Variants in IRX4 observed in about 807,000 individuals in gnomAD.
The protein encoded by IRX4 is iroquois-class homeodomain protein IRX-4.
Under a neutral mutation model 32.0 loss-of-function variants are expected in IRX4, and 22 were observed. The ratio of observed to expected loss-of-function variants is 0.69; its 90% CI spans 0.49 to 0.98. The LOEUF (loss-of-function observed/expected upper bound fraction) is 0.98, where lower values mean the gene tolerates loss of function less well. Ranked by LOEUF, IRX4 falls within the 50% of genes least tolerant of loss-of-function variation. IRX4 has a pLI of 0.00. For missense variants in IRX4, 840 were observed against 744.2 expected (o/e 1.13, Z -1.50); for synonymous variants, 379 against 351.7 (o/e 1.08, Z -0.87).
At chr5:1,879,052 C>T (rs1450031737) in intron 4 of IRX4, among the ~76,000 whole-genome samples, 2 of 150,698 alleles carry the variant, frequency 1.3e-5, no homozygotes, top group African/African-American at 2.5e-5. Context: ...AGTGCAGTGG[C>T]GCGATCTCAG....
At chr5:1,883,605 G>A (rs995636310), upstream of IRX4, among the ~76,000 whole-genome samples, 4 of 152,336 alleles carry the variant, frequency 2.6e-5, no homozygotes, top group Admixed American at 2.6e-4. Flanking sequence ...GGCGGCCCGA[G>A]GGCTGTAGGG....
intron 2 of IRX4, 197 bp from the exon 3 acceptor site, chr5:1,881,031 G>T: frequency 2.1e-6 from 1 of 470,864 alleles, no homozygotes; most frequent in South Asian, 2.0e-5. Flanking sequence ...CTGAGTTGCA[G>T]AAGCAGTGTG....
chr5:1,878,847 C>T (rs1341732779), intron 4 of IRX4, 55 bp from the exon 5 acceptor site: 3 of 1,560,076 alleles, frequency 1.9e-6, no homozygotes, highest in Non-Finnish European at 2.6e-6. Context: ...GTGAATCAGA[C>T]CCCCTGTCCC....
At chr5:1,886,660 G>A (rs1171449356), upstream of IRX4, among the ~76,000 whole-genome samples, 1 of 152,072 alleles carries the variant, frequency 6.6e-6, no homozygotes, top group African/African-American at 2.4e-5. Flanking sequence ...GCTGGACGGA[G>A]CGCCGTCCGG....
In IRX4 at chr5:1,879,589, C is replaced by T. The variant is rs1735354380; in HGVS notation, c.651G>A (p.Glu217=). The change falls in exon 4 of 5, where the codon GAG becomes GAA. Residue 217 remains glutamate (E), a synonymous_variant. Transcript: ENST00000231357. ...CCTCGCCCTCCGCGTAGGGCCGCTT[C>T]TCGTCTGCGCACTTGTTCCGCGGCG... The part of the protein sequence containing the change: ...TWPPRNKCAD[E]KRPYAEGEEE... The T allele has an allele frequency of 1.9e-6, 3 of 1,613,852 alleles. No individual in the cohort carries two copies. The highest frequency in any genetic ancestry group is 2.5e-6 in the Non-Finnish European group (3 of 1,180,054).
At position 1,877,974 on chromosome 5, in the gene IRX4, C is replaced by T. The variant is rs773809133; in HGVS notation, c.1555G>A (p.Ala519Thr). 1.0e-5 allele frequency: 15 copies of T among 1,499,610 alleles called. No homozygotes were observed. The South Asian group carries it at 1.6e-4, about 16-fold the overall frequency. The allele number at this position is 1,499,610 out of a possible 1,614,324, so 92.9% of individuals were successfully genotyped here. Residue 519 changes from alanine (A) to threonine (T), a missense_variant, in exon 5 of 5, where the codon GCC (alanine) becomes ACC (threonine). Around this residue, in one of 3 missense-constraint regions of IRX4, gnomAD observed 585 missense variants for 488.0 expected, o/e 1.20. Coordinates refer to ENST00000231357, the MANE Select transcript of IRX4 (RefSeq NM_016358.3). ...GGGCTCGGGACCCGCCCGCCTCAGG[C>T]GCAGAAGGGTTTGCCGCCGGCCTTG... ...LPKAGGKPFC[A>T] is the part of the protein sequence containing the mutation.
rs547143003 is a variant in IRX4 at position 1,882,517 on chromosome 5, A to G, written c.45+86T>C. 4.7e-5 allele frequency: 55 copies of G among 1,170,170 alleles called. No homozygotes were observed. In the African/African-American group the frequency reaches 6.5e-4, roughly 14 times the overall value. 72.5% of individuals were successfully genotyped at this position (1,170,170 alleles called of 1,614,324 possible). A position where few individuals can be genotyped will look rare whatever the true frequency, so the allele number is the denominator to read the frequency against. On this transcript the variant is annotated intron_variant, in intron 1 of 4. Transcript: ENST00000231357. The stretch of plus-strand genomic sequence containing the variant: ...TAGCTCGGAAGCCGCAGGCAGTCGT[A>G]GGTCGGACACTCCCCACCCCCCGTC...
In IRX4 at chr5:1,880,717, G is replaced by T. The variant is rs888102650; in HGVS notation, c.407+8C>A. On this transcript the variant is annotated splice_region_variant and intron_variant, in intron 3 of 4. Coordinates refer to ENST00000231357, the MANE Select transcript of IRX4 (RefSeq NM_016358.3). ...GGCTAGTGCTGGTTAGGAGGGGTGG[G>T]TCCTCACCTGTCATAGGGGTACTGG... The T allele has an allele frequency of 8.2e-6, 13 of 1,593,328 alleles. No homozygotes were observed. The highest frequency in any genetic ancestry group is 1.7e-5 in the Admixed American group (1 of 59,980).
In IRX4 at chr5:1,878,503, G is replaced by T. The variant is rs747561469; in HGVS notation, c.1026C>A (p.Gly342=). The T allele has an allele frequency of 8.4e-6, 12 of 1,433,528 alleles. No homozygotes were observed. The East Asian group carries it at 1.3e-4, about 16-fold the overall frequency. The allele number at this position is 1,433,528 out of a possible 1,614,324, so 88.8% of individuals were successfully genotyped here. The change falls in exon 5 of 5, where the codon GGC becomes GGA. Residue 342 remains glycine, a synonymous_variant. Coordinates refer to ENST00000231357, the MANE Select transcript of IRX4 (RefSeq NM_016358.3). The part of the protein sequence containing the change: ...AGPEPLPGAE[G]GPQVCEAKLG... ...GCTTGGCCTCGCAGACCTGAGGGCCGCCCTCTGCGCCCGGCAGTGGCTCCG... is the reference window on the plus strand; with the variant it reads ...GCTTGGCCTCGCAGACCTGAGGGCCTCCCTCTGCGCCCGGCAGTGGCTCCG...
At chr5:1,884,766 G>A (rs981069690), upstream of IRX4, 2 of 152,170 alleles carry the variant, frequency 1.3e-5, no homozygotes, top group Non-Finnish European at 2.9e-5. Context: ...GGGGTTTCTC[G>A]CTAGAAATGA....
In IRX4 at chr5:1,878,408, G is replaced by A. The variant is rs1466719902; in HGVS notation, c.1121C>T (p.Thr374Ile). The A allele has an allele frequency of 1.3e-6, 2 of 1,525,530 alleles. No individual in the cohort carries two copies. The highest frequency in any genetic ancestry group is 1.4e-5 in the African/African-American group (1 of 72,682). 94.5% of individuals were successfully genotyped at this position (1,525,530 alleles called of 1,614,324 possible). Residue 374 changes from threonine to isoleucine, a missense_variant, in exon 5 of 5, where the codon ACA becomes ATA. Physicochemically the swap from Thr to Ile is moderately conservative, Grantham distance 89. Around this residue, in one of 3 missense-constraint regions of IRX4, gnomAD observed 585 missense variants for 488.0 expected, o/e 1.20. Transcript: ENST00000231357. ...AKPRIWSLAHTATAAAAAATS... is the reference protein window; with the variant it reads ...AKPRIWSLAHIATAAAAAATS... ...GGCGGCGGCGGCGGCGGCGGTGGCT[G>A]TGTGGGCCAGGGACCAGATGCGCGG...
upstream of IRX4, chr5:1,884,743 G>T (rs907557430): frequency 6.6e-6 from 1 of 152,196 alleles, no homozygotes; most frequent in South Asian, 2.1e-4. Context: ...TAAATAATAA[G>T]AAACTAGCCA....
At chr5:1,881,319 C>T (rs544769786) in intron 2 of IRX4, among the ~76,000 whole-genome samples, 1 of 91,854 alleles carries the variant, frequency 1.1e-5, no homozygotes, top group African/African-American at 4.4e-5. Flanking sequence ...AGGCGCAAGG[C>T]GGGGGGAGGA....
rs114446808 is a variant in IRX4, at chr5:1,877,912, G to C, written c.*57C>G. ...TCTTCCTCTGGAAACTCAGTGAAAA[G>C]AGTCGGCGCCGTCCGCCTGAGCGCG... On this transcript the variant is annotated 3_prime_UTR_variant, in exon 5 of 5. Coordinates refer to ENST00000231357, the MANE Select transcript of IRX4 (RefSeq NM_016358.3). 6.4e-4 allele frequency: 914 copies of C among 1,420,182 alleles called. 3 individuals carry two copies. The African/African-American group carries it at 0.012, about 19-fold the overall frequency. The allele number at this position is 1,420,182 out of a possible 1,614,324, so 88.0% of individuals were successfully genotyped here.
upstream of IRX4, among the ~76,000 whole-genome samples, chr5:1,883,509 G>C (rs1180146628): frequency 6.6e-6 from 1 of 152,194 alleles, no homozygotes; most frequent in Non-Finnish European, 1.5e-5. Flanking sequence ...CACTGCGGCC[G>C]CAAGACAGCC....
In IRX4 at chr5:1,878,325, C is replaced by T. The variant is rs1735282351; in HGVS notation, c.1204G>A (p.Ala402Thr). 1.3e-6 allele frequency: 2 copies of T among 1,559,952 alleles called. No individual in the cohort carries two copies. Among genetic ancestry groups the T allele is most frequent in the Non-Finnish European group, 1.7e-6 (2 of 1,153,650 alleles). Residue 402 changes from alanine (A) to threonine (T), a missense_variant, in exon 5 of 5, where the codon GCC becomes ACC. Around this residue, in one of 3 missense-constraint regions of IRX4, gnomAD observed 585 missense variants for 488.0 expected, o/e 1.20. Transcript: ENST00000231357. Reference protein sequence around the residue: ...SCMLKRQGPAAPAAVSSAPAT... With the variant: ...SCMLKRQGPATPAAVSSAPAT... ...GGCGCGGAGGACACAGCCGCAGGGG[C>T]CGCGGGACCTTGGCGCTTGAGCATG...
At chr5:1,882,534 C>A (rs1405619664) in intron 1 of IRX4, 69 bp downstream of exon 1, 3 of 1,336,646 alleles carry the variant, frequency 2.2e-6, no homozygotes, top group African/African-American at 3.0e-5. Context: ...ACACTCCCCA[C>A]CCCCCGTCCC....
chr5:1,879,522 T>TGAGGGGCTCCTC lies in IRX4; in HGVS notation c.706_717dup (p.Glu236_Leu239dup). On this transcript the variant is annotated inframe_insertion, in exon 4 of 5. Transcript: ENST00000231357. ...AACCCACCTGCGTTCTTGGAGCTCT[T>TGAGGGGCTCCTC]GAGGGGCTCCTCCCGCGCCTCCTCC... 6.2e-7 allele frequency: 1 copy of TGAGGGGCTCCTC among 1,613,262 alleles called. No homozygotes were observed. Among genetic ancestry groups the TGAGGGGCTCCTC allele is most frequent in the Admixed American group, 1.7e-5 (1 of 60,030 alleles).
upstream of IRX4, among the ~76,000 whole-genome samples, chr5:1,883,586 CCT>C (rs1173621741): frequency 1.3e-5 from 2 of 152,376 alleles, no homozygotes; most frequent in South Asian, 2.1e-4. Context: ...AGCCCGACAC[CCT>C]GAGACTGGCG....
Sources: allele counts gnomAD v4.1 joint callset (sites outside exome capture counted in the v4.1 genomes callset), GRCh38; gene constraint gnomAD v4.1.1; regional missense constraint gnomAD v4.1.1; transcripts MANE v1.5; gene names NCBI Gene and HGNC (gene_info 2026-07-23, HGNC 2026-07-21).